Variants in IGF2R observed in about 807,000 individuals in gnomAD.
The protein encoded by IGF2R is cation-independent mannose-6-phosphate receptor.
A neutral mutation model predicts 270.6 loss-of-function variants in IGF2R; 91 were observed. That is an observed-to-expected ratio of 0.34 (90% CI 0.28 to 0.40). The LOEUF is 0.40. IGF2R is among the 10% of genes least tolerant of loss of function. The probability of loss-of-function intolerance (pLI) is 1.00; values close to 1 mark genes in which losing one functional copy is unlikely to be tolerated. For missense variants in IGF2R, 2,805 were observed against 3,188.3 expected (o/e 0.88, Z 2.90); for synonymous variants, 1,316 against 1,258.9 (o/e 1.05, Z -0.96).
At position 160,107,456 on chromosome 6, in the gene IGF2R, TA is replaced by T. The variant is rs1779646477; in HGVS notation, c.*2374del. On this transcript the variant is annotated 3_prime_UTR_variant, in exon 48 of 48. Coordinates refer to ENST00000356956, the MANE Select transcript of IGF2R (RefSeq NM_000876.4). The stretch of plus-strand genomic sequence containing the variant: ...GAAACCCAAGCCTCTGAAAAAAGAG[TA>T]ACTACTTGCCAGCTGTTGTTACAGA... 1 of 152,232 alleles carries T rather than the reference TA, an allele frequency of 6.6e-6. No individual in the cohort carries two copies. The highest frequency in any genetic ancestry group is 2.4e-5 in the African/African-American group (1 of 41,452). 9.4% of individuals were successfully genotyped at this position (152,232 alleles called of 1,614,324 possible).
chr6:160,047,577 A>T (rs572342765), intron 16 of IGF2R, among the ~76,000 whole-genome samples: 5 of 152,344 alleles, frequency 3.3e-5, no homozygotes, highest in African/African-American at 9.6e-5. Flanking sequence ...ATAAAAAAAA[A>T]TCCTGAATTA....
intron 31 of IGF2R, among the ~76,000 whole-genome samples, chr6:160,070,581 C>T (rs1778696959): frequency 6.6e-6 from 1 of 152,218 alleles, no homozygotes; most frequent in African/African-American, 2.4e-5. Context: ...GATGCACAGT[C>T]AGTGAGCATG....
At chr6:160,075,493 G>C (rs191012531) in intron 35 of IGF2R, among the ~76,000 whole-genome samples, 1 of 152,180 alleles carries the variant, frequency 6.6e-6, no homozygotes, top group Non-Finnish European at 1.5e-5. Flanking sequence ...CATCCTTAGA[G>C]GTTTTTCAGG....
intron 1 of IGF2R, among the ~76,000 whole-genome samples, chr6:159,984,090 C>G (rs1783844036): frequency 6.6e-6 from 1 of 152,178 alleles, no homozygotes; most frequent in Non-Finnish European, 1.5e-5. Flanking sequence ...TCAGACAGTT[C>G]ACAGCTTTTT....
chr6:160,083,867 CA>C, intron 39 of IGF2R, 82 bp from the exon 40 acceptor site: 1 of 965,718 alleles, frequency 1.0e-6, no homozygotes, highest in South Asian at 1.4e-5. Flanking sequence ...AGGGCTTTTT[CA>C]AAATGGAGTC....
intron 29 of IGF2R, among the ~76,000 whole-genome samples, chr6:160,067,387 C>G (rs1226171104): frequency 6.6e-6 from 1 of 152,068 alleles, no homozygotes; most frequent in Non-Finnish European, 1.5e-5. Context: ...TTCATATCCC[C>G]CTTATCTGCC....
intron 2 of IGF2R, among the ~76,000 whole-genome samples, chr6:159,994,535 T>G (rs1208909380): frequency 6.6e-6 from 1 of 152,072 alleles, no homozygotes. Flanking sequence ...GAGGGTTACA[T>G]TAGGTCATTA....
chr6:160,069,766 G>A lies in IGF2R; in HGVS notation c.4253-102G>A, dbSNP rs757592935. 9.2e-5 allele frequency: 93 copies of A among 1,006,412 alleles called. 1 individual carries two copies. In the East Asian group the frequency reaches 1.2e-3, roughly 13 times the overall value. 62.3% of individuals were successfully genotyped at this position (1,006,412 alleles called of 1,614,324 possible). ...TATTTTGAAGTGACTCTTAGAAAGC[G>A]TATGAAGTTCTGCAGCGTGTGTGAC... On this transcript the variant is annotated intron_variant, in intron 30 of 47. Coordinates refer to ENST00000356956, the MANE Select transcript of IGF2R (RefSeq NM_000876.4).
chr6:160,044,250 C>T (rs113621029), intron 12 of IGF2R, among the ~76,000 whole-genome samples: 1 of 152,134 alleles, frequency 6.6e-6, no homozygotes, highest in Non-Finnish European at 1.5e-5. Context: ...ATTGTGCATC[C>T]TTCATGGCGC....
intron 5 of IGF2R, 82 bp from the exon 6 acceptor site, chr6:160,027,103 T>C: frequency 6.7e-7 from 1 of 1,496,974 alleles, no homozygotes; most frequent in Admixed American, 1.7e-5. Context: ...AATAATGTAT[T>C]TAAAGGGACC....
At chr6:160,080,081 C>G (rs778300328) in intron 38 of IGF2R, 48 bp from the exon 39 acceptor site, 2 of 1,600,670 alleles carry the variant, frequency 1.2e-6, no homozygotes, top group Non-Finnish European at 8.5e-7. Flanking sequence ...GGTGATTGTG[C>G]CTGGCGAGGC....
chr6:160,067,213 G>C (rs939371026), intron 29 of IGF2R, among the ~76,000 whole-genome samples: 8 of 151,972 alleles, frequency 5.3e-5, no homozygotes, highest in Admixed American at 2.0e-4. Context: ...TATGTGCCTC[G>C]GGCCCTTTGC....
chr6:160,078,747 T>G (rs915716240), intron 37 of IGF2R, among the ~76,000 whole-genome samples: 2 of 152,140 alleles, frequency 1.3e-5, no homozygotes, highest in African/African-American at 4.8e-5. Flanking sequence ...GGGATTTAAT[T>G]CCTCCAACCT....
chr6:160,020,585 A>G (rs1247908330), intron 4 of IGF2R, among the ~76,000 whole-genome samples: 1 of 152,236 alleles, frequency 6.6e-6, no homozygotes, highest in Non-Finnish European at 1.5e-5. Flanking sequence ...TAGTACTGAT[A>G]GAAAAATAGA....
intron 4 of IGF2R, among the ~76,000 whole-genome samples, chr6:160,013,927 T>C (rs1025459311): frequency 3.9e-5 from 6 of 152,222 alleles, no homozygotes; most frequent in African/African-American, 1.4e-4. Flanking sequence ...TATGTACTTA[T>C]AAAAACCTCA....
rs1012134494 is a variant in IGF2R at position 160,000,580 on chromosome 6, T to G, written c.290-8430T>G. Reference sequence around the variant, plus strand: ...AATCAGAGCAATTATGAGATCTCATTTTTCTTTGAGAAGTTGGCAGAAATT... The same window carrying G: ...AATCAGAGCAATTATGAGATCTCATGTTTCTTTGAGAAGTTGGCAGAAATT... On this transcript the variant is annotated intron_variant, in intron 2 of 47. Transcript: ENST00000356956. Among the ~76,000 whole-genome samples the G allele has an allele frequency of 5.1e-4, 78 of 152,068 alleles. 2 individuals carry two copies. The highest frequency in any genetic ancestry group is 1.9e-3 in the African/African-American group (78 of 41,382).
chr6:159,974,059 A>G (rs1421865299), intron 1 of IGF2R, among the ~76,000 whole-genome samples: 2 of 152,126 alleles, frequency 1.3e-5, no homozygotes, highest in East Asian at 3.8e-4. Context: ...GTTTGACTTC[A>G]TGGGACCCAC....
chr6:160,058,437 C>T (rs1020570899), intron 21 of IGF2R, among the ~76,000 whole-genome samples: 1 of 152,220 alleles, frequency 6.6e-6, no homozygotes, highest in African/African-American at 2.4e-5. Flanking sequence ...TGTATCTTCA[C>T]ACCAGAGAGC....
In IGF2R at chr6:159,998,412, G is replaced by A. The variant is rs1399064617; in HGVS notation, c.289+7089G>A. On this transcript the variant is annotated intron_variant, in intron 2 of 47. Coordinates refer to ENST00000356956, the MANE Select transcript of IGF2R (RefSeq NM_000876.4). This position sits in a 1 kb window ranked among gnomAD's most constrained non-coding sequence, Gnocchi z 4.1. ...AAGTTCTGTGGACCTTGAAAGCCAG[G>A]GAGGAGAAGAGTTGTTATTTTTTTG... is the stretch of plus-strand genomic sequence containing the variant. 6.6e-6 allele frequency among the ~76,000 whole-genome samples: 1 copy of A among 152,166 alleles called. No homozygotes were observed. The highest frequency in any genetic ancestry group is 1.5e-5 in the Non-Finnish European group (1 of 68,038).
Sources: allele counts gnomAD v4.1 joint callset (sites outside exome capture counted in the v4.1 genomes callset), GRCh38; gene constraint gnomAD v4.1.1; non-coding constraint Gnocchi (gnomAD v3.1); transcripts MANE v1.5; gene names NCBI Gene and HGNC (gene_info 2026-07-23, HGNC 2026-07-21).